Variants in PPP3CC observed in about 807,000 individuals in gnomAD.
The protein encoded by PPP3CC is protein phosphatase 3 catalytic subunit gamma.
Under a neutral mutation model 60.3 loss-of-function variants are expected in PPP3CC, and 35 were observed. The observed-to-expected ratio is 0.58, with a 90% CI of 0.44 to 0.77. PPP3CC has a LOEUF of 0.77. Ranked by LOEUF, PPP3CC falls within the 30% of genes least tolerant of loss-of-function variation. The pLI, the probability that PPP3CC is intolerant of heterozygous loss-of-function variation, is 0.00. For missense variants in PPP3CC, 570 were observed against 628.9 expected (o/e 0.91, Z 1.00); for synonymous variants, 206 against 224.3 (o/e 0.92, Z 0.73).
intron 4 of PPP3CC, among the ~76,000 whole-genome samples, chr8:22,506,268 C>CA (rs11407310): frequency 0.47 from 70,690 of 150,220 alleles, 16,532 homozygotes; most frequent in East Asian, 0.6. Context: ...GACCCCATTT[C>CA]AAAAAAAAAG....
At chr8:22,484,533 A>AT (rs1034450692) in intron 3 of PPP3CC, among the ~76,000 whole-genome samples, 4 of 152,210 alleles carry the variant, frequency 2.6e-5, no homozygotes, top group Non-Finnish European at 4.4e-5. Context: ...AACAGGCAAT[A>AT]TTATAAGGGT....
At chr8:22,513,262 T>A (rs778347485) in intron 5 of PPP3CC, 31 bp from the exon 6 acceptor site, 2 of 1,598,182 alleles carry the variant, frequency 1.3e-6, no homozygotes, top group South Asian at 2.3e-5. Flanking sequence ...CTCTCCTGAT[T>A]TTTTTCTTTT....
chr8:22,539,379 T>TG, intron 12 of PPP3CC, 90 bp from the exon 13 acceptor site: 1 of 1,406,940 alleles, frequency 7.1e-7, no homozygotes, highest in African/African-American at 1.4e-5. Context: ...AACGGGCCCC[T>TG]GGGATGGCTG....
At chr8:22,481,814 T>C (rs2132479609) in intron 3 of PPP3CC, among the ~76,000 whole-genome samples, 3 of 152,168 alleles carry the variant, frequency 2.0e-5, no homozygotes, top group Admixed American at 2.0e-4. Context: ...TGTTAGTTTG[T>C]TGAGAGTGAT....
intron 3 of PPP3CC, among the ~76,000 whole-genome samples, chr8:22,493,251 C>T (rs1313202826): frequency 6.6e-6 from 1 of 152,010 alleles, no homozygotes; most frequent in Non-Finnish European, 1.5e-5. Flanking sequence ...GCCCAAGCTC[C>T]TTGGACACTG....
chr8:22,526,757 C>G (rs1033275015), intron 8 of PPP3CC, among the ~76,000 whole-genome samples: 4 of 152,196 alleles, frequency 2.6e-5, no homozygotes, highest in African/African-American at 9.6e-5. Context: ...ATGTGTGCGA[C>G]TATCTGAATG....
At chr8:22,492,095 G>A in intron 3 of PPP3CC, among the ~76,000 whole-genome samples, 1 of 152,132 alleles carries the variant, frequency 6.6e-6, no homozygotes. Context: ...GGTATAGCCT[G>A]CTACACACCT....
intron 1 of PPP3CC, among the ~76,000 whole-genome samples, chr8:22,473,588 C>G (rs1837796410): frequency 6.6e-6 from 1 of 151,960 alleles, no homozygotes; most frequent in Non-Finnish European, 1.5e-5. Flanking sequence ...CTCAGCCTCC[C>G]AGGTAGCTGG....
intron 11 of PPP3CC, 118 bp from the exon 12 acceptor site, chr8:22,532,803 A>G: frequency 1.7e-6 from 1 of 589,566 alleles, no homozygotes; most frequent in Non-Finnish European, 2.9e-6. Context: ...GGGAAGGCGT[A>G]GGAGGTAGGA....
chr8:22,473,217 T>C (rs1462271352), intron 1 of PPP3CC, among the ~76,000 whole-genome samples: 2 of 152,162 alleles, frequency 1.3e-5, no homozygotes, highest in African/African-American at 2.4e-5. Context: ...ATTGGACATA[T>C]ATCAGAAATT....
At chr8:22,479,691 C>T (rs1838002100) in intron 3 of PPP3CC, among the ~76,000 whole-genome samples, 1 of 149,808 alleles carries the variant, frequency 6.7e-6, no homozygotes, top group Non-Finnish European at 1.5e-5. Context: ...TTGCAGTGAG[C>T]CCAGATCGCC....
rs1586867956 is a variant in PPP3CC, at chr8:22,528,411, C to G, written c.1070-95C>G. On this transcript the variant is annotated intron_variant, in intron 9 of 13. Transcript: ENST00000240139. ...TAATGATAAATAATTTTTGCTTATGCTTACTTAACATGTGTGTTTATTTAG... is the reference window on the plus strand; with the variant it reads ...TAATGATAAATAATTTTTGCTTATGGTTACTTAACATGTGTGTTTATTTAG... The G allele has an allele frequency of 9.7e-6, 7 of 719,552 alleles. No individual in the cohort carries two copies. In the South Asian group the frequency reaches 2.3e-4, roughly 24 times the overall value. The allele number at this position is 719,552 out of a possible 1,614,324, so 44.6% of individuals were successfully genotyped here.
At chr8:22,494,516 A>G (rs889309824) in intron 3 of PPP3CC, among the ~76,000 whole-genome samples, 3 of 152,180 alleles carry the variant, frequency 2.0e-5, no homozygotes, top group African/African-American at 7.2e-5. Context: ...GAGGCTGTGA[A>G]ATATATACAG....
At chr8:22,501,706 C>T (rs1838767302) in intron 4 of PPP3CC, among the ~76,000 whole-genome samples, 2 of 152,126 alleles carry the variant, frequency 1.3e-5, no homozygotes, top group African/African-American at 4.8e-5. Context: ...AACCCTCACT[C>T]AGTTTTTAAA....
intron 3 of PPP3CC, among the ~76,000 whole-genome samples, chr8:22,488,631 A>G (rs940157132): frequency 1.3e-5 from 2 of 152,192 alleles, no homozygotes; most frequent in Admixed American, 1.3e-4. Flanking sequence ...CCTTTACTGT[A>G]TTTTCTAGTG....
chr8:22,528,724 C>T (rs1839627065), intron 10 of PPP3CC, 147 bp downstream of exon 10: 4 of 613,794 alleles, frequency 6.5e-6, no homozygotes. Context: ...ATACGAGAAA[C>T]CATAAATAAG....
chr8:22,508,436 A>C (rs1838989805), intron 4 of PPP3CC, among the ~76,000 whole-genome samples: 1 of 152,198 alleles, frequency 6.6e-6, no homozygotes, highest in South Asian at 2.1e-4. Context: ...AAAAATAAAC[A>C]TGGTGATATT....
intron 12 of PPP3CC, 109 bp from the exon 13 acceptor site, chr8:22,539,360 A>C: frequency 1.9e-6 from 2 of 1,068,846 alleles, no homozygotes; most frequent in Non-Finnish European, 2.8e-6. Flanking sequence ...GGATGGGGAT[A>C]GGCTAAAAAA....
At chr8:22,530,423 C>G (rs1188412017) in intron 10 of PPP3CC, among the ~76,000 whole-genome samples, 3 of 151,960 alleles carry the variant, frequency 2.0e-5, no homozygotes, top group Non-Finnish European at 4.4e-5. Flanking sequence ...CCACTACACT[C>G]TAGCCTGGCC....
Sources: allele counts gnomAD v4.1 joint callset (sites outside exome capture counted in the v4.1 genomes callset), GRCh38; gene constraint gnomAD v4.1.1; transcripts MANE v1.5; gene names NCBI Gene and HGNC (gene_info 2026-07-23, HGNC 2026-07-21).